Variants in FRMD4B observed in about 807,000 individuals in gnomAD.
FRMD4B encodes the protein FERM domain containing 4B, also known as FERM domain-containing protein 4B.
In FRMD4B, 74 loss-of-function variants were observed where a neutral mutation model predicts 141.5. The observed-to-expected ratio is 0.52, with a 90% CI of 0.43 to 0.63. The LOEUF (loss-of-function observed/expected upper bound fraction) is 0.63. Among genes scored for constraint, FRMD4B ranks in the 30% least tolerant of loss-of-function variants. The pLI, the probability that FRMD4B is intolerant of heterozygous loss-of-function variation, is 0.00. For missense variants in FRMD4B, 1,366 were observed against 1,253.4 expected, an observed-to-expected ratio of 1.09 and a Z score of -1.36; for synonymous variants, 506 against 467.9, an observed-to-expected ratio of 1.08 and a Z score of -1.05.
At chr3:69,329,742 G>A (rs1700699327) in intron 1 of FRMD4B, among the ~76,000 whole-genome samples, 1 of 151,276 alleles carries the variant, frequency 6.6e-6, no homozygotes, top group Non-Finnish European at 1.5e-5. Flanking sequence ...ATGTTGACCA[G>A]GCTGGTCTCA....
chr3:69,246,478 A>G (rs1358139437), intron 7 of FRMD4B, among the ~76,000 whole-genome samples: 1 of 152,116 alleles, frequency 6.6e-6, no homozygotes, highest in South Asian at 2.1e-4. Context: ...AACAAAATAA[A>G]ACAAAAGAAA....
chr3:69,319,273 T>G (rs1701913285), intron 1 of FRMD4B, among the ~76,000 whole-genome samples: 1 of 152,178 alleles, frequency 6.6e-6, no homozygotes, highest in African/African-American at 2.4e-5. Flanking sequence ...TTTCTGAGCC[T>G]TATAAGAAAT....
intron 11 of FRMD4B, among the ~76,000 whole-genome samples, chr3:69,212,132 G>A (rs947549189): frequency 2.6e-5 from 4 of 151,632 alleles, no homozygotes; most frequent in Non-Finnish European, 5.9e-5. Context: ...GCCCGAGGCA[G>A]GTGGATTGCC....
At chr3:69,218,219 C>T (rs1320678774) in intron 10 of FRMD4B, 103 bp downstream of exon 10, 1 of 640,244 alleles carries the variant, frequency 1.6e-6, no homozygotes, top group Non-Finnish European at 2.7e-6. Context: ...TAATTTGCTA[C>T]AAAAGGCAAG....
chr3:69,393,174 T>A, intron 2 of FRMD4B, among the ~76,000 whole-genome samples: 1 of 152,156 alleles, frequency 6.6e-6, no homozygotes, highest in East Asian at 1.9e-4. Context: ...GTCTATTCTT[T>A]GGCTTCAGCA....
chr3:69,285,310 C>G (rs542723261), intron 5 of FRMD4B, among the ~76,000 whole-genome samples: 9 of 151,366 alleles, frequency 5.9e-5, no homozygotes, highest in Admixed American at 5.9e-4. Flanking sequence ...CCCCAAATCC[C>G]CACAAATGCA....
chr3:69,281,653 G>A (rs1340410923), intron 5 of FRMD4B, among the ~76,000 whole-genome samples: 1 of 151,708 alleles, frequency 6.6e-6, no homozygotes, highest in Non-Finnish European at 1.5e-5. Context: ...GTGAAATCCC[G>A]TCTCTACTAA....
At chr3:69,245,317 TTGTGTGTGTGTGTGTGTGTG>T (rs67220182) in intron 7 of FRMD4B, among the ~76,000 whole-genome samples, 1 of 142,962 alleles carries the variant, frequency 7.0e-6, no homozygotes, top group African/African-American at 2.7e-5. Context: ...CTGACTTTCT[TTGTGTGTGTGTGTGTGTGTG>T]TGTGTGTGTG....
rs1553691449 is a variant in FRMD4B, at chr3:69,169,375, T to TTTTTTTTTTTTTTC, written c.*2485_*2486insGAAAAAAAAAAAAA. On this transcript the variant is annotated 3_prime_UTR_variant, in exon 23 of 23. Coordinates refer to ENST00000398540, the MANE Select transcript of FRMD4B (RefSeq NM_015123.3). Reference sequence around the variant, plus strand: ...TTTCTTTTTTTTTTTTTTTTTTTTTTCTTGAGACAAGGTCTGTTATTGCCT... The same window carrying TTTTTTTTTTTTTTC: ...TTTCTTTTTTTTTTTTTTTTTTTTTTTTTTTTTTTTTTTCCTTGAGACAAGGTCTGTTATTGCCT... 8.0e-5 allele frequency among the ~76,000 whole-genome samples: 10 copies of TTTTTTTTTTTTTTC among 124,606 alleles called. 3 individuals carry two copies. Among genetic ancestry groups the TTTTTTTTTTTTTTC allele is most frequent in the African/African-American group, 5.8e-5 (2 of 34,328 alleles). 81.7% of individuals were successfully genotyped at this position (124,606 alleles called of 152,430 possible). A position where few individuals can be genotyped will look rare whatever the true frequency, so the allele number is the denominator to read the frequency against.
chr3:69,344,157 G>A (rs531166416), intron 1 of FRMD4B, among the ~76,000 whole-genome samples: 3 of 152,308 alleles, frequency 2.0e-5, no homozygotes, highest in African/African-American at 4.8e-5. Context: ...TTCATGGACA[G>A]CATCTCAATG....
intron 2 of FRMD4B, among the ~76,000 whole-genome samples, chr3:69,432,065 C>T (rs770652008): frequency 6.6e-6 from 1 of 152,148 alleles, no homozygotes; most frequent in Non-Finnish European, 1.5e-5. Flanking sequence ...TTCCATCCCC[C>T]TCTTATTATA....
chr3:69,386,182 A>AG (rs1704249365), upstream of FRMD4B: 17 of 533,808 alleles, frequency 3.2e-5, no homozygotes, highest in South Asian at 4.5e-4. Context: ...GGTGCCCGCC[A>AG]GCCAACGGCT....
intron 3 of FRMD4B, among the ~76,000 whole-genome samples, chr3:69,304,955 A>G (rs906689647): frequency 6.6e-6 from 1 of 152,232 alleles, no homozygotes; most frequent in Non-Finnish European, 1.5e-5. Flanking sequence ...AAAAATGAGC[A>G]TAAATAATAA....
intron 3 of FRMD4B, among the ~76,000 whole-genome samples, chr3:69,307,890 G>A (rs184838505): frequency 1.3e-5 from 2 of 152,248 alleles, no homozygotes; most frequent in East Asian, 3.9e-4. Flanking sequence ...TGACTAACAA[G>A]GCTCACCTAT....
chr3:69,238,195 CCAT>C (rs567929566), intron 7 of FRMD4B, among the ~76,000 whole-genome samples: 101 of 152,276 alleles, frequency 6.6e-4, no homozygotes, highest in African/African-American at 2.2e-3. Context: ...ACCTAGCTGC[CCAT>C]CATTTTACTA....
At chr3:69,419,927 G>A (rs1044865565) in intron 2 of FRMD4B, among the ~76,000 whole-genome samples, 1 of 152,194 alleles carries the variant, frequency 6.6e-6, no homozygotes, top group African/African-American at 2.4e-5. Context: ...CACAATCTTG[G>A]CTCACTGCAA....
intron 1 of FRMD4B, among the ~76,000 whole-genome samples, chr3:69,530,888 T>C (rs537043401): frequency 1.1e-4 from 16 of 152,192 alleles, no homozygotes; most frequent in African/African-American, 3.6e-4. Flanking sequence ...TACCAATAAT[T>C]TCCACAAAAT....
intron 1 of FRMD4B, chr3:69,535,874 G>T: frequency 2.3e-6 from 1 of 444,058 alleles, no homozygotes; most frequent in Non-Finnish European, 4.5e-6. Flanking sequence ...TTCTGGTCGA[G>T]GAAGCAATGC....
chr3:69,424,677 G>T (rs924124625), intron 2 of FRMD4B, among the ~76,000 whole-genome samples: 1 of 152,168 alleles, frequency 6.6e-6, no homozygotes, highest in Non-Finnish European at 1.5e-5. Context: ...TAGATTGGCA[G>T]AAACAGAATT....
Sources: gnomAD v4.1 joint callset for allele counts (sites outside exome capture counted in the v4.1 genomes callset) on GRCh38, gnomAD v4.1.1 for gene constraint, MANE v1.5 for transcripts, NCBI Gene and HGNC (gene_info 2026-07-23, HGNC 2026-07-21) for gene names.